The following GRIK5 variants were observed in gnomAD, a reference collection of about 807,000 sequenced individuals.
The protein encoded by GRIK5 is glutamate receptor ionotropic, kainate 5.
GRIK5 carries 43 observed loss-of-function variants against 97.4 expected under a neutral mutation model. That is an observed-to-expected ratio of 0.44 (90% CI 0.35 to 0.57). GRIK5 has a LOEUF of 0.57. Ranked by LOEUF, GRIK5 falls within the 20% of genes least tolerant of loss-of-function variation. The pLI, the probability that GRIK5 is intolerant of heterozygous loss-of-function variation, is 0.01. For synonymous variants in GRIK5, 580 were observed against 583.5 expected (o/e 0.99, Z 0.09); for missense variants, 1,015 against 1,382.0 (o/e 0.73, Z 4.21).
At chr19:42,008,492 T>C (rs1207037321) in intron 15 of GRIK5, among the ~76,000 whole-genome samples, 1 of 152,118 alleles carries the variant, frequency 6.6e-6, no homozygotes, top group Non-Finnish European at 1.5e-5. Context: ...CTGGGTGTGA[T>C]AGCACACGCC....
chr19:42,013,635 C>T (rs1327519600), intron 15 of GRIK5, among the ~76,000 whole-genome samples: 5 of 152,082 alleles, frequency 3.3e-5, no homozygotes, highest in Non-Finnish European at 7.4e-5. Context: ...CGGTCTCGAT[C>T]CTCTGACCTC....
At chr19:42,032,079 C>T (rs764509243) in intron 12 of GRIK5, among the ~76,000 whole-genome samples, 42 of 152,082 alleles carry the variant, frequency 2.8e-4, no homozygotes, top group Non-Finnish European at 5.1e-4. Context: ...CACCACAGCA[C>T]TCCAACCTAG....
chr19:42,025,146 C>A (rs548503535), intron 12 of GRIK5, among the ~76,000 whole-genome samples: 2 of 152,234 alleles, frequency 1.3e-5, no homozygotes, highest in East Asian at 3.9e-4. Flanking sequence ...TGAAACCTCA[C>A]GCAGTCAGAC....
intron 15 of GRIK5, among the ~76,000 whole-genome samples, chr19:42,009,894 C>T (rs976095731): frequency 6.6e-5 from 10 of 151,592 alleles, no homozygotes; most frequent in Non-Finnish European, 1.3e-4. Flanking sequence ...TGGAGAAACC[C>T]CATCTCTACT....
At chr19:42,034,357 G>A (rs905633158) in intron 12 of GRIK5, among the ~76,000 whole-genome samples, 20 of 152,120 alleles carry the variant, frequency 1.3e-4, no homozygotes, top group African/African-American at 4.8e-4. Context: ...CTCGGTGACA[G>A]AGCAAGACCC....
Position 42,065,618 on chromosome 19 carries a change from G to T in GRIK5, c.79+74C>A. 2 of 1,249,090 alleles carry T rather than the reference G, an allele frequency of 1.6e-6. No individual in the cohort carries two copies. The highest frequency in any genetic ancestry group is 2.2e-6 in the Non-Finnish European group (2 of 893,508). 77.4% of individuals were successfully genotyped at this position (1,249,090 alleles called of 1,614,324 possible). A position where few individuals can be genotyped will look rare whatever the true frequency, so the allele number is the denominator to read the frequency against. The stretch of plus-strand genomic sequence containing the variant: ...AGAGAGCTGAGACCTGGACCCTGAC[G>T]GACTGGCATGCCTGGGTCCCCAGAG... On this transcript the variant is annotated intron_variant, in intron 2 of 19. Transcript: ENST00000593562. The surrounding 1 kb of genome is among the most constrained non-coding windows in gnomAD (Gnocchi z 5.8).
chr19:42,011,088 T>C (rs1170936554), intron 15 of GRIK5, among the ~76,000 whole-genome samples: 5 of 148,894 alleles, frequency 3.4e-5, no homozygotes, highest in African/African-American at 1.2e-4. Context: ...ATTACAGGCG[T>C]GAGCACCACA....
intron 12 of GRIK5, among the ~76,000 whole-genome samples, chr19:42,029,028 C>G (rs2075805649): frequency 1.3e-5 from 2 of 152,042 alleles, no homozygotes; most frequent in Non-Finnish European, 1.5e-5. Context: ...CCCAGGAATT[C>G]AAGACTAGCC....
chr19:42,025,940 T>C (rs1161602590), intron 12 of GRIK5, among the ~76,000 whole-genome samples: 1 of 152,188 alleles, frequency 6.6e-6, no homozygotes, highest in Non-Finnish European at 1.5e-5. Flanking sequence ...CAAGACCCCA[T>C]CTCTACTAAA....
At chr19:42,054,225 C>T (rs780990693) in intron 9 of GRIK5, 95 bp downstream of exon 9, 9 of 1,335,266 alleles carry the variant, frequency 6.7e-6, no homozygotes, top group Non-Finnish European at 9.4e-6. Flanking sequence ...GTGGGAAGAG[C>T]AGGGAGGGCA....
In GRIK5 at chr19:42,062,651, G is replaced by C; in HGVS notation, c.345C>G (p.Ile115Met). The change falls in exon 5 of 20, where the codon ATC becomes ATG. Residue 115 changes from isoleucine (I) to methionine (M), a missense_variant and splice_region_variant. Coordinates refer to ENST00000593562, the MANE Select transcript of GRIK5 (RefSeq NM_002088.5). The surrounding 1 kb of genome is among the most constrained non-coding windows in gnomAD (Gnocchi z 5.3). ...TVSHICGEKE[I>M]PHIKVGPEET... ...CCTCGGGACCCACCTTGATGTGGGG[G>C]ATCTGGACAGAGAGGAAACTTTGGC... 6.2e-7 allele frequency: 1 copy of C among 1,614,038 alleles called. No homozygotes were observed. Among genetic ancestry groups the C allele is most frequent in the Non-Finnish European group, 8.5e-7 (1 of 1,179,972 alleles).
intron 8 of GRIK5, among the ~76,000 whole-genome samples, chr19:42,054,752 C>A (rs892895909): frequency 1.3e-5 from 2 of 152,164 alleles, no homozygotes; most frequent in East Asian, 3.8e-4. Context: ...GGATAGCTAG[C>A]TGTGTCACCT....
chr19:42,030,938 C>CA (rs1172500028), intron 12 of GRIK5, among the ~76,000 whole-genome samples: 5 of 152,154 alleles, frequency 3.3e-5, no homozygotes, highest in African/African-American at 1.2e-4. Context: ...CTGTAGAGTT[C>CA]AAGTTCTTTG....
At chr19:42,063,767 C>G (rs2076290861) in intron 3 of GRIK5, among the ~76,000 whole-genome samples, 1 of 152,160 alleles carries the variant, frequency 6.6e-6, no homozygotes, top group South Asian at 2.1e-4. Context: ...CCAGCCATGC[C>G]TGAAACAATC....
chr19:42,044,106 T>C (rs1175317277), intron 11 of GRIK5, among the ~76,000 whole-genome samples: 3 of 152,126 alleles, frequency 2.0e-5, no homozygotes, highest in South Asian at 4.1e-4. Context: ...GGTTTTATAA[T>C]GGGCTCTTCC....
intron 15 of GRIK5, among the ~76,000 whole-genome samples, chr19:42,008,587 T>C (rs1227466138): frequency 6.6e-6 from 1 of 151,942 alleles, no homozygotes; most frequent in Non-Finnish European, 1.5e-5. Context: ...AGATCACCAC[T>C]GCACTCTGGC....
At chr19:42,000,244 C>G (rs1363231105) in intron 19 of GRIK5, among the ~76,000 whole-genome samples, 1 of 152,138 alleles carries the variant, frequency 6.6e-6, no homozygotes, top group Non-Finnish European at 1.5e-5. Context: ...TTCATAGGAT[C>G]ACTCTGTGTT....
intron 3 of GRIK5, among the ~76,000 whole-genome samples, chr19:42,064,542 T>C (rs963857451): frequency 2.0e-5 from 3 of 151,918 alleles, no homozygotes; most frequent in Non-Finnish European, 2.9e-5. Flanking sequence ...TCCCAGCTTC[T>C]CCCAAGTTGT....
At position 42,065,686 on chromosome 19, in the gene GRIK5, C is replaced by A. The variant is rs2076321918; in HGVS notation, c.79+6G>T. The A allele has an allele frequency of 6.3e-7, 1 of 1,576,966 alleles. No individual in the cohort carries two copies. The highest frequency in any genetic ancestry group is 8.6e-7 in the Non-Finnish European group (1 of 1,163,270). On this transcript the variant is annotated splice_donor_region_variant and intron_variant, in intron 2 of 19. Coordinates refer to ENST00000593562, the MANE Select transcript of GRIK5 (RefSeq NM_002088.5). The surrounding 1 kb of genome is among the most constrained non-coding windows in gnomAD (Gnocchi z 5.8). ...GATGCAGGGGCAGGGTGCGGGAGGG[C>A]CTCACCCATGCGCAGTGATGAGAGC...
Sources: gnomAD v4.1 joint callset for allele counts (sites outside exome capture counted in the v4.1 genomes callset) on GRCh38, gnomAD v4.1.1 for gene constraint, Gnocchi (gnomAD v3.1) non-coding constraint, MANE v1.5 for transcripts, NCBI Gene and HGNC (gene_info 2026-07-23, HGNC 2026-07-21) for gene names.